Variants in F5 observed in about 807,000 individuals in gnomAD.
The protein encoded by F5 is coagulation factor V.
A neutral mutation model predicts 216.4 loss-of-function variants in F5; 138 were observed. The ratio of observed to expected loss-of-function variants is 0.64; its 90% CI spans 0.56 to 0.73. The LOEUF (loss-of-function observed/expected upper bound fraction) is 0.73. Among genes scored for constraint, F5 ranks in the 30% least tolerant of loss-of-function variants. The pLI, the probability that F5 is intolerant of heterozygous loss-of-function variation, is 0.00. For missense variants in F5, 2,403 were observed against 2,674.0 expected, an observed-to-expected ratio of 0.90 and a Z score of 2.24; for synonymous variants, 916 against 930.7, an observed-to-expected ratio of 0.98 and a Z score of 0.29.
intron 14 of F5, among the ~76,000 whole-genome samples, chr1:169,534,647 G>A (rs750968854): frequency 3.3e-5 from 5 of 149,284 alleles, no homozygotes; most frequent in Admixed American, 1.3e-4. Context: ...CAGCCTGGGC[G>A]ACAGAGTGAG....
At chr1:169,532,822 A>T (rs921766840) in intron 14 of F5, among the ~76,000 whole-genome samples, 2 of 152,200 alleles carry the variant, frequency 1.3e-5, no homozygotes, top group African/African-American at 4.8e-5. Context: ...CTACAGATTC[A>T]ACACTATTTT....
At position 169,542,650 on chromosome 1, in the gene F5, T is replaced by C; in HGVS notation, c.2440A>G (p.Ile814Val). 6.2e-7 allele frequency: 1 copy of C among 1,613,966 alleles called. No homozygotes were observed. Among genetic ancestry groups the C allele is most frequent in the Non-Finnish European group, 8.5e-7 (1 of 1,179,860 alleles). Residue 814 changes from isoleucine (I) to valine (V), a missense_variant, in exon 13 of 25, where the codon ATT (isoleucine) becomes GTT (valine). Physicochemically the swap from Ile to Val is conservative, Grantham distance 29. This residue lies in a region of F5 where 1,425 missense variants were observed against 1,554.8 expected (regional missense o/e 0.92). Coordinates refer to ENST00000367797, the MANE Select transcript of F5 (RefSeq NM_000130.5). Reference protein sequence around the residue: ...TTAGSPLRHLIGKNSVLNSST... With the variant: ...TTAGSPLRHLVGKNSVLNSST... Reference sequence around the variant, plus strand: ...GAATTGAGAACTGAGTTCTTGCCAATGAGGTGTCTCAGTGGGGAACCAGCT... The same window carrying C: ...GAATTGAGAACTGAGTTCTTGCCAACGAGGTGTCTCAGTGGGGAACCAGCT...
chr1:169,585,767 A>T (rs1661090971), intron 1 of F5, among the ~76,000 whole-genome samples: 1 of 152,246 alleles, frequency 6.6e-6, no homozygotes, highest in Admixed American at 6.5e-5. Flanking sequence ...CAAAAAGCAC[A>T]AGGTGTTCAT....
At chr1:169,557,955 TG>T (rs765652277) in intron 5 of F5, among the ~76,000 whole-genome samples, 1 of 152,190 alleles carries the variant, frequency 6.6e-6, no homozygotes, top group African/African-American at 2.4e-5. Flanking sequence ...TTTCTACTGA[TG>T]GTCTTTCCCT....
In F5 at chr1:169,546,580, T is replaced by A; in HGVS notation, c.1624A>T (p.Ile542Phe). The A allele has an allele frequency of 6.2e-7, 1 of 1,614,102 alleles. No individual in the cohort carries two copies. The highest frequency in any genetic ancestry group is 8.5e-7 in the Non-Finnish European group (1 of 1,179,972). Residue 542 changes from isoleucine to phenylalanine, a missense_variant, in exon 11 of 25, where the codon ATC (isoleucine) becomes TTC (phenylalanine). Physicochemically the swap from Ile to Phe is conservative, Grantham distance 21. Coordinates refer to ENST00000367797, the MANE Select transcript of F5 (RefSeq NM_000130.5). ...DRRGIQRAAD[I>F]EQQAVFAVFD... ...ACAGCAAACACAGCCTGCTGTTCGA[T>A]GTCTGCTGCCCTCTGGAGGACAAAA...
chr1:169,529,698 C>T lies in F5; in HGVS notation c.5329G>A (p.Asp1777Asn). 1.2e-6 allele frequency: 2 copies of T among 1,613,812 alleles called. No individual in the cohort carries two copies. The highest frequency in any genetic ancestry group is 1.7e-6 in the Non-Finnish European group (2 of 1,179,816). ...REFVLLFMTF[D>N]EKKSWYYEKK... Reference sequence around the variant, plus strand: ...TCATAGTACCAGCTCTTCTTTTCATCAAAGGTCATAAATAGTAAGACAAAT... The same window carrying T: ...TCATAGTACCAGCTCTTCTTTTCATTAAAGGTCATAAATAGTAAGACAAAT... The change falls in exon 16 of 25, where the codon GAT (aspartate) becomes AAT (asparagine). Residue 1777 changes from aspartate (D) to asparagine (N), a missense_variant. Transcript: ENST00000367797.
At chr1:169,543,204 T>G in intron 12 of F5, 90 bp from the exon 13 acceptor site, 1 of 1,265,986 alleles carries the variant, frequency 7.9e-7, no homozygotes, top group African/African-American at 1.5e-5. Flanking sequence ...TAATTTCTAA[T>G]AAACTTTCGT....
At chr1:169,529,134 C>T (rs901125845) in intron 16 of F5, among the ~76,000 whole-genome samples, 1 of 152,130 alleles carries the variant, frequency 6.6e-6, no homozygotes, top group Non-Finnish European at 1.5e-5. Flanking sequence ...TTTCTTATCT[C>T]ATTTTGTTCT....
intron 2 of F5, among the ~76,000 whole-genome samples, chr1:169,576,898 A>G (rs1660864341): frequency 6.6e-6 from 1 of 152,204 alleles, no homozygotes; most frequent in African/African-American, 2.4e-5. Context: ...ATTTAACCTA[A>G]TAAGACCTAT....
chr1:169,530,376 C>T (rs879333965), intron 15 of F5, among the ~76,000 whole-genome samples: 2 of 152,058 alleles, frequency 1.3e-5, no homozygotes, highest in Non-Finnish European at 2.9e-5. Flanking sequence ...TATGCATATA[C>T]TGTGTATGAC....
chr1:169,541,949 G>T lies in F5; in HGVS notation c.3141C>A (p.Thr1047=), dbSNP rs762853294. ...HTHHAPLSPR[T]FHPLRSEAYN... Reference sequence around the variant, plus strand: ...AGGCTTCACTTCTTAGAGGGTGAAAGGTCCTCGGAGATAAAGGAGCATGGT... The same window carrying T: ...AGGCTTCACTTCTTAGAGGGTGAAATGTCCTCGGAGATAAAGGAGCATGGT... Residue 1047 remains threonine (T), a synonymous_variant, in exon 13 of 25, where the codon ACC becomes ACA. Transcript: ENST00000367797. 1 of 1,613,948 alleles carries T rather than the reference G, an allele frequency of 6.2e-7. No homozygotes were observed. Among genetic ancestry groups the T allele is most frequent in the African/African-American group, 1.3e-5 (1 of 74,910 alleles).
intron 11 of F5, among the ~76,000 whole-genome samples, chr1:169,545,252 C>A (rs1659970302): frequency 6.6e-6 from 1 of 152,146 alleles, no homozygotes; most frequent in Admixed American, 6.5e-5. Flanking sequence ...AGATGTTTTT[C>A]TAAATGGTCT....
At chr1:169,566,182 C>T (rs918217879) in intron 3 of F5, among the ~76,000 whole-genome samples, 2 of 152,052 alleles carry the variant, frequency 1.3e-5, no homozygotes, top group Non-Finnish European at 2.9e-5. Context: ...GCATGACAGC[C>T]CTTCTTCAAT....
chr1:169,576,312 C>T (rs1471337570), intron 2 of F5, among the ~76,000 whole-genome samples: 3 of 152,190 alleles, frequency 2.0e-5, no homozygotes, highest in African/African-American at 7.2e-5. Flanking sequence ...TGTCTTGCCA[C>T]CCACGGTTGT....
At chr1:169,525,055 T>C in intron 18 of F5, 147 bp from the exon 19 acceptor site, 1 of 662,126 alleles carries the variant, frequency 1.5e-6, no homozygotes, top group African/African-American at 1.8e-5. Flanking sequence ...TATATCTGAT[T>C]ATAAAATGGT....
Position 169,533,934 on chromosome 1 carries a change from A to G in F5, c.4971+2572T>C, listed in dbSNP as rs1465542475. On this transcript the variant is annotated intron_variant, in intron 14 of 24. Coordinates refer to ENST00000367797, the MANE Select transcript of F5 (RefSeq NM_000130.5). Reference sequence around the variant, plus strand: ...GCCTCCAAAGAAAGAAGAAGTAAAAACTAAAAGGCAGAAATGAAATCCACA... The same window carrying G: ...GCCTCCAAAGAAAGAAGAAGTAAAAGCTAAAAGGCAGAAATGAAATCCACA... Among the ~76,000 whole-genome samples, 3 of 152,090 alleles carry G rather than the reference A, an allele frequency of 2.0e-5. No homozygotes were observed. The East Asian group carries it at 5.8e-4, about 29-fold the overall frequency.
chr1:169,540,616 A>T lies in F5; in HGVS notation c.4474T>A (p.Ser1492Thr). The T allele has an allele frequency of 6.2e-7, 1 of 1,614,080 alleles. No homozygotes were observed. The highest frequency in any genetic ancestry group is 2.2e-5 in the East Asian group (1 of 44,870). The change falls in exon 13 of 25, where the codon TCT (serine) becomes ACT (threonine). Residue 1492 changes from serine to threonine, a missense_variant. Ser to Thr is a moderately conservative substitution (Grantham distance 58). Transcript: ENST00000367797. Reference protein sequence around the residue: ...FPYPDLGQMPSPSSPTLNDTF... With the variant: ...FPYPDLGQMPTPSSPTLNDTF... Reference sequence around the variant, plus strand: ...TCATTGAGAGTAGGAGATGAAGGAGATGGCATCTGACCAAGGTCTGGATAA... The same window carrying T: ...TCATTGAGAGTAGGAGATGAAGGAGTTGGCATCTGACCAAGGTCTGGATAA...
Position 169,536,505 on chromosome 1 carries a change from C to T in F5, c.4971+1G>A. ...ATCTTAGCAGTGCTCAAAAGACTTA[C>T]TTGGATAACATCATCCACTTCAGCT... On this transcript the variant is annotated splice_donor_variant, in intron 14 of 24. Transcript: ENST00000367797. LOFTEE classifies it high-confidence loss of function. The T allele has an allele frequency of 1.2e-6, 2 of 1,612,788 alleles. No homozygotes were observed.
chr1:169,522,787 A>G (rs1459927563), intron 21 of F5, among the ~76,000 whole-genome samples: 2 of 152,188 alleles, frequency 1.3e-5, no homozygotes, highest in Non-Finnish European at 2.9e-5. Context: ...CATTAACACT[A>G]CTATTTACTT....
Sources: gnomAD v4.1 joint callset for allele counts (sites outside exome capture counted in the v4.1 genomes callset) on GRCh38, gnomAD v4.1.1 for gene constraint, gnomAD v4.1.1 regional missense constraint, MANE v1.5 for transcripts, NCBI Gene and HGNC (gene_info 2026-07-23, HGNC 2026-07-21) for gene names.